ADARB1: variants seen among roughly 807,000 people sequenced by gnomAD.
The protein encoded by ADARB1 is adenosine deaminase RNA specific B1.
ADARB1 carries 10 observed loss-of-function variants against 52.4 expected under a neutral mutation model. The ratio of observed to expected loss-of-function variants is 0.19; its 90% CI spans 0.12 to 0.32. ADARB1 has a LOEUF of 0.32. Ranked by LOEUF, ADARB1 falls within the 10% of genes least tolerant of loss-of-function variation. ADARB1 has a pLI of 1.00. For synonymous variants in ADARB1, 349 were observed against 371.1 expected (o/e 0.94, Z 0.68); for missense variants, 643 against 922.3 (o/e 0.70, Z 3.92).
At chr21:45,210,784 C>T (rs865882061) in intron 9 of ADARB1, among the ~76,000 whole-genome samples, 10 of 152,258 alleles carry the variant, frequency 6.6e-5, no homozygotes, top group Non-Finnish European at 1.3e-4. Flanking sequence ...AGACAGTGCA[C>T]GAGAGTGCCT....
chr21:45,117,158 C>T (rs1399367179), intron 1 of ADARB1: 7 of 152,216 alleles, frequency 4.6e-5, no homozygotes. Flanking sequence ...GGATTGCTCC[C>T]TCGAAGGATG....
intron 1 of ADARB1, among the ~76,000 whole-genome samples, chr21:45,111,624 T>G (rs1425176496): frequency 6.6e-6 from 1 of 152,258 alleles, no homozygotes; most frequent in Admixed American, 6.5e-5. Context: ...TTTAACTATA[T>G]AAATGCAGTC....
chr21:45,172,165 G>T lies in ADARB1; in HGVS notation c.28+481G>T, dbSNP rs897655073. Among the ~76,000 whole-genome samples, 1 of 152,184 alleles carries T rather than the reference G, an allele frequency of 6.6e-6. No individual in the cohort carries two copies. The highest frequency in any genetic ancestry group is 1.9e-4 in the East Asian group (1 of 5,202). On this transcript the variant is annotated intron_variant, in intron 3 of 10. Transcript: ENST00000348831. The surrounding 1 kb of genome is among the most constrained non-coding windows in gnomAD (Gnocchi z 4.4). ...CTGTTGATCTAAAGTTCGCAAAGGT[G>T]CTAATGAGAGCTGGGACTGGTGTGG...
At chr21:45,106,192 G>C (rs202119620) in intron 1 of ADARB1, among the ~76,000 whole-genome samples, 4 of 35,066 alleles carry the variant, frequency 1.1e-4, no homozygotes, top group Non-Finnish European at 2.7e-4. Flanking sequence ...CCCGTGGGAG[G>C]CTTTTTTTTT....
chr21:45,139,476 TTC>T (rs1181616074), intron 2 of ADARB1, among the ~76,000 whole-genome samples: 3 of 152,260 alleles, frequency 2.0e-5, no homozygotes, highest in African/African-American at 4.8e-5. Context: ...TGGCTCCGTT[TTC>T]TCTTTTTCCC....
intron 1 of ADARB1, among the ~76,000 whole-genome samples, chr21:45,103,183 C>T (rs2123740963): frequency 6.6e-6 from 1 of 152,256 alleles, no homozygotes; most frequent in South Asian, 2.1e-4. Flanking sequence ...TCCTGGACGA[C>T]TGAATCTGAC....
Position 45,103,151 on chromosome 21 carries a change from G to T in ADARB1, c.-219-25251G>T, listed in dbSNP as rs149917336. Among the ~76,000 whole-genome samples the T allele has an allele frequency of 2.5e-3, 384 of 152,312 alleles. 1 individual carries two copies. The highest frequency in any genetic ancestry group is 3.9e-3 in the Admixed American group (60 of 15,308). ...AGCCAAGAGGGGCCTAGGGAGCCAT[G>T]ACATCTCAATGTCACGTGGGATCCT... On this transcript the variant is annotated intron_variant, in intron 1 of 10. Coordinates refer to ENST00000348831, the MANE Select transcript of ADARB1 (RefSeq NM_001112.4).
chr21:45,108,742 ATGGATT>A (rs2087371980), intron 1 of ADARB1, among the ~76,000 whole-genome samples: 2 of 107,744 alleles, frequency 1.9e-5, no homozygotes, highest in African/African-American at 7.1e-5. Context: ...TGTATTCATT[ATGGATT>A]TCATAAGTCA....
chr21:45,103,972 TTTTGAAAACCGA>T (rs2087136770), intron 1 of ADARB1, among the ~76,000 whole-genome samples: 1 of 152,162 alleles, frequency 6.6e-6, no homozygotes, highest in African/African-American at 2.4e-5. Context: ...TATCCTTTGG[TTTTGAAAACCGA>T]GTAGTCAGGG....
At position 45,171,771 on chromosome 21, in the gene ADARB1, G is replaced by T; in HGVS notation, c.28+87G>T. The stretch of plus-strand genomic sequence containing the variant: ...TTTGCAAATGTATTTCATGAGACCA[G>T]TGTGGGGATTGTGTTTTTTCCCGTA... On this transcript the variant is annotated intron_variant, in intron 3 of 10. Coordinates refer to ENST00000348831, the MANE Select transcript of ADARB1 (RefSeq NM_001112.4). 4 of 1,262,850 alleles carry T rather than the reference G, an allele frequency of 3.2e-6. No individual in the cohort carries two copies. The South Asian group carries it at 5.6e-5, about 18-fold the overall frequency. 78.2% of individuals were successfully genotyped at this position (1,262,850 alleles called of 1,614,324 possible).
intron 2 of ADARB1, among the ~76,000 whole-genome samples, chr21:45,158,380 C>T (rs2090778349): frequency 6.6e-6 from 1 of 152,072 alleles, no homozygotes; most frequent in Non-Finnish European, 1.5e-5. Flanking sequence ...AATGTGGAAG[C>T]AAACGGGACC....
chr21:45,161,211 TG>T (rs1361297389), intron 2 of ADARB1, among the ~76,000 whole-genome samples: 4 of 152,054 alleles, frequency 2.6e-5, no homozygotes, highest in African/African-American at 7.2e-5. Context: ...CGGGAACAGG[TG>T]GAAGCCCCAC....
At position 45,224,369 on chromosome 21, in the gene ADARB1, A is replaced by G; in HGVS notation, c.*2172A>G. 3.0e-6 allele frequency: 3 copies of G among 985,474 alleles called. No homozygotes were observed. The highest frequency in any genetic ancestry group is 1.1e-4 in the East Asian group (1 of 8,728). 61.0% of individuals were successfully genotyped at this position (985,474 alleles called of 1,614,324 possible). ...GTGGGGCCTGAGCAGCTACCTTGAG[A>G]CCATGTGAGGTGGCACCTTTCCGGG... On this transcript the variant is annotated 3_prime_UTR_variant, in exon 11 of 11. Transcript: ENST00000348831.
intron 1 of ADARB1, among the ~76,000 whole-genome samples, chr21:45,085,339 A>G (rs561022647): frequency 6.6e-6 from 1 of 152,230 alleles, no homozygotes; most frequent in Non-Finnish European, 1.5e-5. Flanking sequence ...TGACCTCTAC[A>G]TGAAGAATGG....
chr21:45,164,753 C>T (rs1162076905), intron 2 of ADARB1, among the ~76,000 whole-genome samples: 6 of 152,070 alleles, frequency 3.9e-5, no homozygotes, highest in African/African-American at 1.2e-4. Context: ...CTGGCTGCTG[C>T]GAGGAGAGGG....
At chr21:45,212,360 A>T (rs1450158279) in intron 9 of ADARB1, among the ~76,000 whole-genome samples, 1 of 152,172 alleles carries the variant, frequency 6.6e-6, no homozygotes, top group Admixed American at 6.5e-5. Flanking sequence ...GTGACAGCTC[A>T]GGGACCTGCA....
chr21:45,122,422 C>T (rs940547384), intron 1 of ADARB1, among the ~76,000 whole-genome samples: 11 of 152,332 alleles, frequency 7.2e-5, no homozygotes, highest in African/African-American at 2.4e-4. Context: ...CTTTTCATAG[C>T]ATTGCTGTGG....
Position 45,223,538 on chromosome 21 carries a change from C to T in ADARB1, c.*1341C>T, listed in dbSNP as rs1377659977. The T allele has an allele frequency of 1.0e-6, 1 of 985,668 alleles. No individual in the cohort carries two copies. Among genetic ancestry groups the T allele is most frequent in the African/African-American group, 1.7e-5 (1 of 57,350 alleles). The allele number at this position is 985,668 out of a possible 1,614,324, so 61.1% of individuals were successfully genotyped here. ...GAGCTGAGAGAAGTGCTCTGCCTGC[C>T]AGTGCAGTGCCCAGCTCCAAGGCTC... On this transcript the variant is annotated 3_prime_UTR_variant, in exon 11 of 11. Transcript: ENST00000348831.
At chr21:45,201,916 C>G (rs1478566182) in intron 8 of ADARB1, among the ~76,000 whole-genome samples, 1 of 152,106 alleles carries the variant, frequency 6.6e-6, no homozygotes, top group Non-Finnish European at 1.5e-5. Context: ...ATGGCTGCCT[C>G]TGGGATTGGT....
Sources: gnomAD v4.1 joint callset for allele counts (sites outside exome capture counted in the v4.1 genomes callset) on GRCh38, gnomAD v4.1.1 for gene constraint, Gnocchi (gnomAD v3.1) non-coding constraint, MANE v1.5 for transcripts, NCBI Gene and HGNC (gene_info 2026-07-23, HGNC 2026-07-21) for gene names.